The following P2RY6 variants were observed in gnomAD, a reference collection of about 807,000 sequenced individuals.
P2RY6 encodes P2Y purinoceptor 6.
In P2RY6, 19 loss-of-function variants were observed where a neutral mutation model predicts 16.3. The ratio of observed to expected loss-of-function variants is 1.16; its 90% CI spans 0.81 to 1.71. The LOEUF (loss-of-function observed/expected upper bound fraction) is 1.71. Among genes scored for constraint, P2RY6 ranks in the 40% most tolerant of loss-of-function variants. P2RY6 has a pLI of 0.00. For missense variants in P2RY6, 389 were observed against 455.5 expected, an observed-to-expected ratio of 0.85 and a Z score of 1.33; for synonymous variants, 184 against 201.5, an observed-to-expected ratio of 0.91 and a Z score of 0.74.
At chr11:73,289,972 A>G (rs1565170172) in intron 1 of P2RY6, among the ~76,000 whole-genome samples, 2 of 152,230 alleles carry the variant, frequency 1.3e-5, no homozygotes, top group Non-Finnish European at 2.9e-5. Flanking sequence ...CTGTAATCCC[A>G]GCACTTCGCG....
upstream of P2RY6, among the ~76,000 whole-genome samples, chr11:73,268,315 T>C (rs1044091633): frequency 5.3e-5 from 8 of 152,186 alleles, no homozygotes; most frequent in African/African-American, 1.9e-4. Context: ...GGAAAACCTC[T>C]GTGGCTCAGC....
Position 73,297,631 on chromosome 11 carries a change from C to G in P2RY6, c.*126C>G. The G allele has an allele frequency of 1.3e-6, 1 of 754,172 alleles. No individual in the cohort carries two copies. Among genetic ancestry groups the G allele is most frequent in the East Asian group, 2.7e-5 (1 of 37,064 alleles). The allele number at this position is 754,172 out of a possible 1,614,324, so 46.7% of individuals were successfully genotyped here. ...CTGGGCATGGAGTTAAGATCCCTCA[C>G]AGGACCCAGAAGCTCACCAAAAACT... On this transcript the variant is annotated 3_prime_UTR_variant, in exon 3 of 3. Coordinates refer to ENST00000540124, the MANE Select transcript of P2RY6 (RefSeq NM_001277204.2).
intron 1 of P2RY6, among the ~76,000 whole-genome samples, chr11:73,288,858 T>G (rs1339175149): frequency 6.6e-6 from 1 of 152,216 alleles, no homozygotes; most frequent in Non-Finnish European, 1.5e-5. Flanking sequence ...AGCGAACTCT[T>G]GACCCCTGAC....
intron 1 of P2RY6, among the ~76,000 whole-genome samples, chr11:73,274,696 C>T (rs1027874782): frequency 3.3e-5 from 5 of 152,228 alleles, no homozygotes; most frequent in African/African-American, 9.6e-5. Flanking sequence ...TTGTCAGTGT[C>T]CAGGCCCCAG....
intron 1 of P2RY6, among the ~76,000 whole-genome samples, chr11:73,274,498 T>C (rs573922267): frequency 0.014 from 1,912 of 137,474 alleles, 50 homozygotes; most frequent in African/African-American, 0.052. Flanking sequence ...GCTGAGATCA[T>C]ACCACTGCAC....
At chr11:73,284,350 G>T (rs1303719783) in intron 1 of P2RY6, among the ~76,000 whole-genome samples, 5 of 152,126 alleles carry the variant, frequency 3.3e-5, no homozygotes, top group Non-Finnish European at 5.9e-5. Context: ...GGAGGCCTAG[G>T]CTGGCAAGGG....
intron 1 of P2RY6, among the ~76,000 whole-genome samples, chr11:73,280,561 G>T (rs541020295): frequency 6.6e-6 from 1 of 152,216 alleles, no homozygotes; most frequent in South Asian, 2.1e-4. Flanking sequence ...CCTGTGTTCT[G>T]GTAGGACTCT....
At chr11:73,294,152 C>T (rs1565173299) in intron 1 of P2RY6, among the ~76,000 whole-genome samples, 1 of 152,166 alleles carries the variant, frequency 6.6e-6, no homozygotes, top group Non-Finnish European at 1.5e-5. Context: ...CTTCAACCTT[C>T]CTCCTCACCC....
rs1287561181 is a variant in P2RY6, at chr11:73,297,279, CT to C, written c.765del (p.His256ThrfsTer103). The C allele has an allele frequency of 1.2e-6, 2 of 1,608,792 alleles. No homozygotes were observed. The highest frequency in any genetic ancestry group is 1.7e-6 in the Non-Finnish European group (2 of 1,179,458). On this transcript the variant is annotated frameshift_variant, in exon 3 of 3. Transcript: ENST00000540124. LOFTEE classifies it high-confidence loss of function. ...GCTGCCTTTGCCATCAGCTTCCTGC[CT>C]TTTCACATCACCAAGACAGCCTACC... ...VAAAFAISFL[P>X]FHITKTAYLA...
In P2RY6 at chr11:73,296,685, G is replaced by A. The variant is rs538083454; in HGVS notation, c.167G>A (p.Arg56Gln). ...ATTACCCAGATCTGCACGTCCCGCC[G>A]GGCCCTGACCCGCACGGCCGTGTAC... ...CVITQICTSR[R>Q]ALTRTAVYTL... The change falls in exon 3 of 3, where the codon CGG (arginine) becomes CAG (glutamine). Residue 56 changes from arginine (R) to glutamine (Q), a missense_variant. Coordinates refer to ENST00000540124, the MANE Select transcript of P2RY6 (RefSeq NM_001277204.2). The A allele has an allele frequency of 6.6e-5, 106 of 1,614,014 alleles. 1 individual carries two copies. The South Asian group carries it at 7.8e-4, about 12-fold the overall frequency.
chr11:73,272,535 CTGCAGTCCACT>C, intron 1 of P2RY6, 69 bp downstream of exon 1: 1 of 983,972 alleles, frequency 1.0e-6, no homozygotes. Context: ...TCCTGAGTAA[CTGCAGTCCACT>C]TGCAGCCACC....
At chr11:73,288,722 C>G (rs567981557) in intron 1 of P2RY6, among the ~76,000 whole-genome samples, 123 of 151,788 alleles carry the variant, frequency 8.1e-4, no homozygotes, top group Non-Finnish European at 1.7e-3. Flanking sequence ...TATAGTGACC[C>G]TGTATAGTAG....
chr11:73,295,663 C>A (rs1358814392), intron 1 of P2RY6, 67 bp from the exon 2 acceptor site: 2 of 569,806 alleles, frequency 3.5e-6, no homozygotes, highest in Non-Finnish European at 4.4e-6. Flanking sequence ...GCCAAACCTG[C>A]CTTTGTAGCC....
intron 1 of P2RY6, among the ~76,000 whole-genome samples, chr11:73,267,125 C>T (rs955040362): frequency 6.6e-6 from 1 of 152,360 alleles, no homozygotes; most frequent in African/African-American, 2.4e-5. Flanking sequence ...CACTCCAAAG[C>T]TGTAACATTC....
intron 1 of P2RY6, among the ~76,000 whole-genome samples, chr11:73,278,354 T>A (rs1422054688): frequency 6.6e-6 from 1 of 152,060 alleles, no homozygotes; most frequent in Non-Finnish European, 1.5e-5. Flanking sequence ...GAGACGGAGT[T>A]TCACCATGTT....
intron 1 of P2RY6, 51 bp from the exon 2 acceptor site, chr11:73,295,679 T>C (rs918736286): frequency 4.1e-6 from 3 of 739,204 alleles, no homozygotes; most frequent in Non-Finnish European, 5.0e-6. Flanking sequence ...TAGCCTCAAG[T>C]GGAAAGAAGC....
intron 1 of P2RY6, among the ~76,000 whole-genome samples, chr11:73,294,388 T>G (rs1301582210): frequency 2.6e-5 from 4 of 152,346 alleles, no homozygotes; most frequent in Admixed American, 6.5e-5. Flanking sequence ...ATCCCTGTCA[T>G]GTGAAAACAA....
At chr11:73,292,722 G>A (rs1327758046) in intron 1 of P2RY6, 1 of 842,122 alleles carries the variant, frequency 1.2e-6, no homozygotes, top group Non-Finnish European at 1.4e-6. Flanking sequence ...GTGGTGTTGG[G>A]GATGGCAGGG....
intron 1 of P2RY6, among the ~76,000 whole-genome samples, chr11:73,293,196 G>A (rs746882913): frequency 3.3e-5 from 5 of 152,212 alleles, no homozygotes; most frequent in Non-Finnish European, 5.9e-5. Context: ...GAAGGGAACA[G>A]TGGAGATGGG....
Sources: allele counts gnomAD v4.1 joint callset (sites outside exome capture counted in the v4.1 genomes callset), GRCh38; gene constraint gnomAD v4.1.1; transcripts MANE v1.5; gene names NCBI Gene and HGNC (gene_info 2026-07-23, HGNC 2026-07-21).